Variants in CNOT6 observed in about 807,000 individuals in gnomAD.
CNOT6 encodes the protein carbon catabolite repression 4 protein.
Under a neutral mutation model 61.2 loss-of-function variants are expected in CNOT6, and 12 were observed. That is an observed-to-expected ratio of 0.20 (90% confidence interval 0.13 to 0.32). The LOEUF is 0.32. Among genes scored for constraint, CNOT6 ranks in the 10% least tolerant of loss-of-function variants. The pLI is 1.00. For synonymous variants in CNOT6, 225 were observed against 240.6 expected, an observed-to-expected ratio of 0.94 and a Z score of 0.60; for missense variants, 405 against 663.9, an observed-to-expected ratio of 0.61 and a Z score of 4.28.
At chr5:180,565,695 T>C in intron 6 of CNOT6, 125 bp from the exon 7 acceptor site, 1 of 882,616 alleles carries the variant, frequency 1.1e-6, no homozygotes, top group Non-Finnish European at 1.7e-6. Flanking sequence ...GTACAGTAGC[T>C]TTTCAGTGAC....
intron 1 of CNOT6, among the ~76,000 whole-genome samples, chr5:180,503,009 T>C (rs1255155574): frequency 6.6e-6 from 1 of 152,200 alleles, no homozygotes; most frequent in Non-Finnish European, 1.5e-5. Context: ...TGTCATTTGG[T>C]TTTTAGTTTT....
At chr5:180,550,229 A>C (rs1759526593) in intron 3 of CNOT6, 112 bp downstream of exon 3, 1 of 737,440 alleles carries the variant, frequency 1.4e-6, no homozygotes, top group Non-Finnish European at 2.2e-6. Flanking sequence ...CTGCGAGAGG[A>C]TCATGAGGTC....
At chr5:180,522,410 G>C (rs1757920611) in intron 1 of CNOT6, among the ~76,000 whole-genome samples, 1 of 152,104 alleles carries the variant, frequency 6.6e-6, no homozygotes, top group African/African-American at 2.4e-5. Flanking sequence ...CACTGGGCCT[G>C]GCTTAGTTCT....
chr5:180,517,821 C>T (rs192639778), intron 1 of CNOT6, among the ~76,000 whole-genome samples: 1 of 152,322 alleles, frequency 6.6e-6, no homozygotes, highest in East Asian at 1.9e-4. Flanking sequence ...GGATTACAGG[C>T]GTGAGCTACT....
At chr5:180,497,125 C>T (rs951702271) in intron 1 of CNOT6, among the ~76,000 whole-genome samples, 8 of 151,968 alleles carry the variant, frequency 5.3e-5, no homozygotes, top group Non-Finnish European at 8.8e-5. Context: ...GTCAGGAGTT[C>T]GAGGCAAGCC....
intron 9 of CNOT6, 78 bp downstream of exon 9, chr5:180,568,081 TTG>T (rs1760553194): frequency 1.4e-6 from 2 of 1,428,352 alleles, no homozygotes; most frequent in Admixed American, 2.3e-5. Context: ...AGAAATTTCA[TTG>T]TGTATTCATG....
intron 1 of CNOT6, among the ~76,000 whole-genome samples, chr5:180,514,088 A>G (rs746267180): frequency 2.0e-4 from 31 of 151,812 alleles, no homozygotes; most frequent in Non-Finnish European, 3.8e-4. Context: ...TCGGCCTCCA[A>G]ATGTGCTGGG....
chr5:180,566,061 T>G, intron 7 of CNOT6, 84 bp downstream of exon 7: 5 of 1,248,184 alleles, frequency 4.0e-6, no homozygotes, highest in Non-Finnish European at 5.5e-6. Flanking sequence ...ATTTGAAGTT[T>G]TAGCTTCAGT....
chr5:180,569,401 T>C, intron 10 of CNOT6, 61 bp downstream of exon 10: 2 of 1,299,656 alleles, frequency 1.5e-6, no homozygotes, highest in Non-Finnish European at 1.1e-6. Context: ...TTAGTAATGT[T>C]TTGTTTCTGA....
intron 1 of CNOT6, among the ~76,000 whole-genome samples, chr5:180,509,583 A>ATTT (rs756885836): frequency 3.6e-5 from 5 of 139,870 alleles, no homozygotes; most frequent in South Asian, 2.3e-4. Flanking sequence ...CACCTGGCTA[A>ATTT]TTTTTTTTTT....
At position 180,528,303 on chromosome 5, in the gene CNOT6, A is replaced by ATTAT. The variant is rs1554098707; in HGVS notation, c.-2-953_-2-950dup. ...TGCAGGATAAATGTTTGATTCTTTT[A>ATTAT]TTATTTATTTATTTATTTATTTTTT... On this transcript the variant is annotated intron_variant, in intron 1 of 11. Coordinates refer to ENST00000261951, the MANE Select transcript of CNOT6 (RefSeq NM_001370472.1). Among the ~76,000 whole-genome samples, 15 of 152,104 alleles carry ATTAT rather than the reference A, an allele frequency of 9.9e-5. 1 individual carries two copies. The highest frequency in any genetic ancestry group is 2.1e-4 in the South Asian group (1 of 4,820).
chr5:180,564,939 A>G (rs565074075), intron 6 of CNOT6, among the ~76,000 whole-genome samples, 196 bp downstream of exon 6: 2 of 152,366 alleles, frequency 1.3e-5, no homozygotes, highest in East Asian at 1.9e-4. Context: ...AAAGTGTGCT[A>G]TAAAGCAGTG....
intron 2 of CNOT6, among the ~76,000 whole-genome samples, chr5:180,533,481 G>A (rs1411661598): frequency 4.6e-5 from 7 of 151,558 alleles, no homozygotes; most frequent in Non-Finnish European, 1.0e-4. Context: ...ATTATACATA[G>A]CTTACTGTAT....
chr5:180,529,981 G>T (rs1281857014), intron 2 of CNOT6, among the ~76,000 whole-genome samples: 1 of 152,180 alleles, frequency 6.6e-6, no homozygotes, highest in Non-Finnish European at 1.5e-5. Flanking sequence ...AGATGTGAAG[G>T]ATATCCTTTC....
At chr5:180,503,262 C>CTTTTTTT (rs66503357) in intron 1 of CNOT6, among the ~76,000 whole-genome samples, 1 of 133,842 alleles carries the variant, frequency 7.5e-6, no homozygotes. Flanking sequence ...TTGTATTTTT[C>CTTTTTTT]TTTTTTTTTT....
At chr5:180,566,640 CTTTTTT>C (rs70973940) in intron 7 of CNOT6, among the ~76,000 whole-genome samples, 15 of 75,592 alleles carry the variant, frequency 2.0e-4, no homozygotes, top group Middle Eastern at 0.011. Context: ...AAAGATGTTA[CTTTTTT>C]TTTTTTTTTT....
intron 1 of CNOT6, among the ~76,000 whole-genome samples, chr5:180,526,596 G>A (rs1758112019): frequency 6.6e-6 from 1 of 152,156 alleles, no homozygotes; most frequent in Non-Finnish European, 1.5e-5. Context: ...GGAATTTACA[G>A]TATTATTTCT....
intron 3 of CNOT6, 62 bp downstream of exon 3, chr5:180,550,179 G>T (rs1330942384): frequency 7.4e-7 from 1 of 1,346,616 alleles, no homozygotes; most frequent in African/African-American, 1.4e-5. Flanking sequence ...TATAGGCCGG[G>T]CGCAGTGGCT....
chr5:180,562,192 A>T (rs1581562380), intron 4 of CNOT6, among the ~76,000 whole-genome samples: 1 of 152,158 alleles, frequency 6.6e-6, no homozygotes, highest in Admixed American at 6.5e-5. Flanking sequence ...GTCTTTGGCT[A>T]TTCTGCCTTC....
Sources: allele counts gnomAD v4.1 joint callset (sites outside exome capture counted in the v4.1 genomes callset), GRCh38; gene constraint gnomAD v4.1.1; transcripts MANE v1.5; gene names NCBI Gene and HGNC (gene_info 2026-07-23, HGNC 2026-07-21).